The following OPCML variants were observed in gnomAD, a reference collection of about 807,000 sequenced individuals.
OPCML encodes opioid-binding protein/cell adhesion molecule.
OPCML carries 13 observed loss-of-function variants against 37.8 expected under a neutral mutation model. That is an observed-to-expected ratio of 0.34 (90% CI 0.22 to 0.55). The LOEUF (loss-of-function observed/expected upper bound fraction) is 0.55, where lower values mean the gene tolerates loss of function less well. Among genes scored for constraint, OPCML ranks in the 20% least tolerant of loss-of-function variants. OPCML has a pLI of 0.91. For synonymous variants in OPCML, 176 were observed against 168.8 expected, an observed-to-expected ratio of 1.04 and a Z score of -0.33; for missense variants, 341 against 435.6, an observed-to-expected ratio of 0.78 and a Z score of 1.93.
At chr11:133,201,321 C>T (rs934100872) in intron 1 of OPCML, among the ~76,000 whole-genome samples, 22 of 127,252 alleles carry the variant, frequency 1.7e-4, no homozygotes, top group African/African-American at 6.6e-4. Flanking sequence ...TTTTTTTTAC[C>T]ATTGAATTGG....
intron 1 of OPCML, among the ~76,000 whole-genome samples, chr11:133,149,724 T>C (rs1482641354): frequency 6.6e-6 from 1 of 152,230 alleles, no homozygotes; most frequent in African/African-American, 2.4e-5. Context: ...TGCTGTTTTG[T>C]CATGTGGTGT....
chr11:132,847,144 C>T (rs528088885), intron 2 of OPCML, among the ~76,000 whole-genome samples: 94 of 152,244 alleles, frequency 6.2e-4, no homozygotes, highest in African/African-American at 2.2e-3. Context: ...GTAAGATCAT[C>T]GACCCGTGAC....
At chr11:133,099,452 T>A (rs1949054853) in intron 1 of OPCML, among the ~76,000 whole-genome samples, 1 of 149,440 alleles carries the variant, frequency 6.7e-6, no homozygotes, top group African/African-American at 2.4e-5. Context: ...CTTTTTTTTT[T>A]TTTTTTTTGT....
chr11:133,272,709 T>A (rs931584586), intron 1 of OPCML, among the ~76,000 whole-genome samples: 1 of 152,216 alleles, frequency 6.6e-6, no homozygotes, highest in African/African-American at 2.4e-5. Flanking sequence ...TGAGAATACA[T>A]CTTTCTTATT....
chr11:132,508,523 C>T (rs2096262338), intron 4 of OPCML, among the ~76,000 whole-genome samples: 1 of 152,044 alleles, frequency 6.6e-6, no homozygotes, highest in Non-Finnish European at 1.5e-5. Context: ...TATGGTTTGG[C>T]CATGTCCCAA....
At chr11:133,210,257 A>AT (rs1276711180) in intron 1 of OPCML, among the ~76,000 whole-genome samples, 2 of 152,144 alleles carry the variant, frequency 1.3e-5, no homozygotes, top group South Asian at 4.1e-4. Context: ...AGTTGTGTTT[A>AT]TTTTTTTAGA....
At chr11:132,777,968 G>C (rs546575869) in intron 2 of OPCML, among the ~76,000 whole-genome samples, 1 of 152,046 alleles carries the variant, frequency 6.6e-6, no homozygotes, top group Non-Finnish European at 1.5e-5. Context: ...TCTCTGGATC[G>C]GCATGGGCAG....
intron 3 of OPCML, among the ~76,000 whole-genome samples, chr11:132,642,216 T>A (rs1286951532): frequency 6.6e-6 from 1 of 152,216 alleles, no homozygotes; most frequent in Non-Finnish European, 1.5e-5. Flanking sequence ...AAAGCTTTGA[T>A]GATGTCTTGC....
chr11:132,618,796 C>T (rs1050420867), intron 3 of OPCML, among the ~76,000 whole-genome samples: 2 of 152,048 alleles, frequency 1.3e-5, no homozygotes, highest in Non-Finnish European at 1.5e-5. Context: ...TCCCATCATT[C>T]CAACCTCATT....
rs1946767374 is a variant in OPCML at position 133,458,596 on chromosome 11, C to CT, written c.61+73667_61+73668insA. 4.2e-5 allele frequency among the ~76,000 whole-genome samples: 4 copies of CT among 95,678 alleles called. 2 individuals are homozygous for CT. In the African/African-American group the frequency reaches 7.5e-4, roughly 18 times the overall value. 62.8% of individuals were successfully genotyped at this position (95,678 alleles called of 152,430 possible). A position where few individuals can be genotyped will look rare whatever the true frequency, so the allele number is the denominator to read the frequency against. Reference sequence around the variant, plus strand: ...ACACGTGTGTGTACACATATATACACGTGTGTGTGTGTATACACATATATA... The same window carrying CT: ...ACACGTGTGTGTACACATATATACACTGTGTGTGTGTGTATACACATATATA... On this transcript the variant is annotated intron_variant, in intron 1 of 7. Transcript: ENST00000524381.
chr11:132,488,547 G>T (rs994322049), intron 4 of OPCML, among the ~76,000 whole-genome samples: 1 of 152,230 alleles, frequency 6.6e-6, no homozygotes, highest in African/African-American at 2.4e-5. Context: ...CATGAATGGA[G>T]CTTGTAGGGC....
At chr11:132,631,125 T>C (rs1205708589) in intron 3 of OPCML, among the ~76,000 whole-genome samples, 1 of 151,820 alleles carries the variant, frequency 6.6e-6, no homozygotes, top group Non-Finnish European at 1.5e-5. Context: ...CCTAGGGAGA[T>C]ACGTAATATT....
At chr11:132,762,163 G>T (rs1430925238) in intron 2 of OPCML, among the ~76,000 whole-genome samples, 1 of 152,214 alleles carries the variant, frequency 6.6e-6, no homozygotes, top group Non-Finnish European at 1.5e-5. Flanking sequence ...GAAGATTGCT[G>T]CCTGCTCCTT....
At chr11:133,430,157 G>C (rs148592837) in intron 1 of OPCML, among the ~76,000 whole-genome samples, 2 of 152,250 alleles carry the variant, frequency 1.3e-5, no homozygotes, top group African/African-American at 4.8e-5. Flanking sequence ...ATCACATCAA[G>C]AATGAAAACT....
chr11:133,463,504 C>T lies in OPCML; in HGVS notation c.61+68760G>A, dbSNP rs1024028368. Among the ~76,000 whole-genome samples, 4 of 152,170 alleles carry T rather than the reference C, an allele frequency of 2.6e-5. No homozygotes were observed. The East Asian group carries it at 7.7e-4, about 29-fold the overall frequency. On this transcript the variant is annotated intron_variant, in intron 1 of 7. Transcript: ENST00000524381. ...ACACAGTGCCCTCCTGAAAGGATAT[C>T]CTATTTATACTCTTACCAACAGTGT...
chr11:133,061,679 CTTTTAA>C (rs1948344642), intron 1 of OPCML, among the ~76,000 whole-genome samples: 1 of 152,182 alleles, frequency 6.6e-6, no homozygotes, highest in African/African-American at 2.4e-5. Flanking sequence ...AAACATTATT[CTTTTAA>C]AGATTTATCC....
chr11:133,015,194 A>C (rs1947297717), intron 1 of OPCML, among the ~76,000 whole-genome samples: 1 of 152,204 alleles, frequency 6.6e-6, no homozygotes, highest in Non-Finnish European at 1.5e-5. Flanking sequence ...ATAGAGTGAT[A>C]GATCAATTGA....
intron 2 of OPCML, among the ~76,000 whole-genome samples, chr11:132,912,934 A>G (rs910821885): frequency 4.6e-5 from 7 of 152,242 alleles, no homozygotes; most frequent in African/African-American, 1.7e-4. Flanking sequence ...AATATATGTC[A>G]GGGACTATTT....
intron 4 of OPCML, among the ~76,000 whole-genome samples, chr11:132,459,301 A>G (rs1246550828): frequency 6.6e-6 from 1 of 151,682 alleles, no homozygotes; most frequent in African/African-American, 2.4e-5. Flanking sequence ...CTGGAACTAC[A>G]CCATCTGCTC....
Sources: gnomAD v4.1 joint callset for allele counts (sites outside exome capture counted in the v4.1 genomes callset) on GRCh38, gnomAD v4.1.1 for gene constraint, MANE v1.5 for transcripts, NCBI Gene and HGNC (gene_info 2026-07-23, HGNC 2026-07-21) for gene names.